L3MBTL4: variants seen among roughly 807,000 people sequenced by gnomAD.
L3MBTL4 encodes L3MBTL histone methyl-lysine binding protein 4, also known as lethal(3)malignant brain tumor-like protein 4.
Under a neutral mutation model 84.5 loss-of-function variants are expected in L3MBTL4, and 70 were observed. That is an observed-to-expected ratio of 0.83 (90% CI 0.68 to 1.01). The LOEUF is 1.01. L3MBTL4 is among the 50% of genes least tolerant of loss of function. The pLI, the probability that L3MBTL4 is intolerant of heterozygous loss-of-function variation, is 0.00. For missense variants in L3MBTL4, 715 were observed against 754.8 expected, an observed-to-expected ratio of 0.95 and a Z score of 0.62; for synonymous variants, 274 against 259.8, an observed-to-expected ratio of 1.05 and a Z score of -0.52.
chr18:6,404,747 C>T (rs1422543794), intron 1 of L3MBTL4, among the ~76,000 whole-genome samples: 1 of 151,952 alleles, frequency 6.6e-6, no homozygotes, highest in Non-Finnish European at 1.5e-5. Flanking sequence ...AGTGAAGTGG[C>T]TCAAACACAG....
intron 16 of L3MBTL4, among the ~76,000 whole-genome samples, chr18:5,993,686 A>G (rs935747759): frequency 6.6e-6 from 1 of 152,214 alleles, no homozygotes; most frequent in Non-Finnish European, 1.5e-5. Flanking sequence ...ATTATGCATT[A>G]TAATAATAAT....
chr18:6,405,143 G>A (rs1040827465), intron 1 of L3MBTL4, among the ~76,000 whole-genome samples: 1 of 152,176 alleles, frequency 6.6e-6, no homozygotes, highest in Non-Finnish European at 1.5e-5. Flanking sequence ...ACCCAACTAG[G>A]ACATGCAAAG....
rs556390663 is a variant in L3MBTL4, at chr18:6,076,874, G to A, written c.1444+4007C>T. Among the ~76,000 whole-genome samples, 4 of 152,202 alleles carry A rather than the reference G, an allele frequency of 2.6e-5. No individual in the cohort carries two copies. In the South Asian group the frequency reaches 6.2e-4, roughly 24 times the overall value. On this transcript the variant is annotated intron_variant, in intron 16 of 18. Transcript: ENST00000317931. ...AGCTGAACTTTCCACAATTCCAAAG[G>A]TATCTCACAGGTGGTGCAATGCAGT...
chr18:6,340,473 C>T (rs1272679163), intron 1 of L3MBTL4, among the ~76,000 whole-genome samples: 2 of 152,214 alleles, frequency 1.3e-5, no homozygotes, highest in African/African-American at 4.8e-5. Context: ...CCCAGCTTCT[C>T]CAGCCTTGTG....
intron 1 of L3MBTL4, among the ~76,000 whole-genome samples, chr18:6,408,885 C>G (rs1258956030): frequency 1.3e-5 from 2 of 152,042 alleles, no homozygotes; most frequent in African/African-American, 4.8e-5. Context: ...CCATGTTACC[C>G]AGGCTGGTCT....
intron 1 of L3MBTL4, among the ~76,000 whole-genome samples, chr18:6,400,432 CA>C (rs1176327560): frequency 6.6e-6 from 1 of 152,124 alleles, no homozygotes; most frequent in Non-Finnish European, 1.5e-5. Flanking sequence ...GTTTTAGAGA[CA>C]AGGTCTTACC....
At chr18:6,155,500 G>C (rs888743583) in intron 13 of L3MBTL4, among the ~76,000 whole-genome samples, 1 of 152,134 alleles carries the variant, frequency 6.6e-6, no homozygotes, top group African/African-American at 2.4e-5. Flanking sequence ...CTCATGGCTG[G>C]ATGCACAGGT....
At position 6,186,146 on chromosome 18, in the gene L3MBTL4, G is replaced by T. The variant is rs188418776; in HGVS notation, c.982-14204C>A. Among the ~76,000 whole-genome samples the T allele has an allele frequency of 8.6e-5, 13 of 151,996 alleles. No homozygotes were observed. The East Asian group carries it at 2.3e-3, about 27-fold the overall frequency. Reference sequence around the variant, plus strand: ...TCCTGCCTCAGCCTCCCAAGTAGCCGGGACTACAGGTGCCCACCACCATGC... The same window carrying T: ...TCCTGCCTCAGCCTCCCAAGTAGCCTGGACTACAGGTGCCCACCACCATGC... On this transcript the variant is annotated intron_variant, in intron 12 of 18. Coordinates refer to ENST00000317931, the MANE Select transcript of L3MBTL4 (RefSeq NM_001330559.2).
In L3MBTL4 at chr18:6,295,346, C is replaced by CTATATA. The variant is rs71163269; in HGVS notation, c.127+6551_127+6556dup. On this transcript the variant is annotated intron_variant, in intron 4 of 18. Transcript: ENST00000317931. ...TCTCTCTCTCTCTCTCTCTCTCTCT[C>CTATATA]TATATATATATATATATATATATAT... 4.7e-3 allele frequency among the ~76,000 whole-genome samples: 386 copies of CTATATA among 81,326 alleles called. 9 individuals are homozygous for CTATATA. Among genetic ancestry groups the CTATATA allele is most frequent in the African/African-American group, 0.012 (177 of 15,070 alleles). The allele number at this position is 81,326 out of a possible 152,430, so 53.4% of individuals were successfully genotyped here.
At chr18:6,108,262 G>A (rs892754581) in intron 14 of L3MBTL4, among the ~76,000 whole-genome samples, 32 of 152,316 alleles carry the variant, frequency 2.1e-4, no homozygotes, top group African/African-American at 6.5e-4. Flanking sequence ...GCAGCCAGGG[G>A]AAGACTCCAG....
intron 16 of L3MBTL4, among the ~76,000 whole-genome samples, chr18:5,974,782 CGG>C (rs1567936594): frequency 1.3e-5 from 2 of 152,040 alleles, no homozygotes; most frequent in African/African-American, 4.8e-5. Context: ...CTTGACAACA[CGG>C]TGAGACCCTG....
At chr18:6,008,168 G>C (rs1362770712) in intron 16 of L3MBTL4, among the ~76,000 whole-genome samples, 1 of 152,100 alleles carries the variant, frequency 6.6e-6, no homozygotes, top group Non-Finnish European at 1.5e-5. Context: ...GTGGCCACGG[G>C]GATCTATCCT....
intron 4 of L3MBTL4, among the ~76,000 whole-genome samples, chr18:6,284,191 G>C (rs547622299): frequency 6.6e-6 from 1 of 152,304 alleles, no homozygotes; most frequent in African/African-American, 2.4e-5. Flanking sequence ...TCATTTCCAA[G>C]TGAATTTTTA....
intron 4 of L3MBTL4, among the ~76,000 whole-genome samples, chr18:6,296,736 A>G (rs1381838278): frequency 6.6e-6 from 1 of 152,204 alleles, no homozygotes; most frequent in Non-Finnish European, 1.5e-5. Context: ...CAGTAACAGA[A>G]TTTCAGATAA....
In L3MBTL4 at chr18:6,072,882, ATATATATATAT is replaced by A. The variant is rs1446834664; in HGVS notation, c.1444+7988_1444+7998del. On this transcript the variant is annotated intron_variant, in intron 16 of 18. Coordinates refer to ENST00000317931, the MANE Select transcript of L3MBTL4 (RefSeq NM_001330559.2). ...CTCCGTCTCAAAAAAAAAAAAAAAA[ATATATATATAT>A]ATATATATATATATATATATATATA... Among the ~76,000 whole-genome samples the A allele has an allele frequency of 1.6e-3, 26 of 16,692 alleles. 2 individuals carry two copies. The highest frequency in any genetic ancestry group is 3.6e-3 in the African/African-American group (17 of 4,660). The allele number at this position is 16,692 out of a possible 152,430, so 11.0% of individuals were successfully genotyped here.
intron 4 of L3MBTL4, among the ~76,000 whole-genome samples, chr18:6,295,342 CTCTCTATATATATA>C (rs1416815429): frequency 1.7e-5 from 2 of 117,110 alleles, no homozygotes; most frequent in African/African-American, 8.2e-5. Flanking sequence ...CTCTCTCTCT[CTCTCTATATATATA>C]TATATATATA....
At chr18:6,290,589 G>A (rs967591467) in intron 4 of L3MBTL4, among the ~76,000 whole-genome samples, 5 of 151,860 alleles carry the variant, frequency 3.3e-5, no homozygotes, top group Admixed American at 2.6e-4. Context: ...GAGCAGTGGT[G>A]CCATCTCAGC....
intron 12 of L3MBTL4, among the ~76,000 whole-genome samples, chr18:6,199,682 T>C (rs906074067): frequency 1.3e-5 from 2 of 152,150 alleles, no homozygotes; most frequent in African/African-American, 4.8e-5. Context: ...AGGGGAAATC[T>C]GAAGGGTAAG....
chr18:6,213,233 A>G lies in L3MBTL4; in HGVS notation c.897T>C (p.Asn299=), dbSNP rs1294917976. ...GTTTATCCACAACTTCAAGTTTCAT[A>G]TTTGGCAGAAAACCATGAGGCAACC... ...KMRLPHGFLP[N]MKLEVVDKRN... The change falls in exon 12 of 19, where the codon AAT becomes AAC. Residue 299 remains asparagine (N), a synonymous_variant. Transcript: ENST00000317931. 2.5e-6 allele frequency: 4 copies of G among 1,609,690 alleles called. No homozygotes were observed. The highest frequency in any genetic ancestry group is 1.7e-4 in the Middle Eastern group (1 of 6,040).
Sources: allele counts gnomAD v4.1 joint callset (sites outside exome capture counted in the v4.1 genomes callset), GRCh38; gene constraint gnomAD v4.1.1; transcripts MANE v1.5; gene names NCBI Gene and HGNC (gene_info 2026-07-23, HGNC 2026-07-21).